SLC31A1: variants seen among roughly 807,000 people sequenced by gnomAD.
The protein encoded by SLC31A1 is high affinity copper uptake protein 1.
Under a neutral mutation model 17.2 loss-of-function variants are expected in SLC31A1, and 5 were observed. That is an observed-to-expected ratio of 0.29 (90% CI 0.15 to 0.61). SLC31A1 has a LOEUF of 0.61. SLC31A1 is among the 20% of genes least tolerant of loss of function. The pLI, the probability that SLC31A1 is intolerant of heterozygous loss-of-function variation, is 0.86. For synonymous variants in SLC31A1, 76 were observed against 78.8 expected (o/e 0.96, Z 0.19); for missense variants, 161 against 241.4 (o/e 0.67, Z 2.21).
rs528938046 is a variant in SLC31A1, at chr9:113,241,136, A to G, written c.-35-14978A>G. 1.8e-4 allele frequency among the ~76,000 whole-genome samples: 27 copies of G among 152,228 alleles called. No individual in the cohort carries two copies. The East Asian group carries it at 5.2e-3, about 29-fold the overall frequency. On this transcript the variant is annotated intron_variant, in intron 1 of 4. Coordinates refer to ENST00000374212, the MANE Select transcript of SLC31A1 (RefSeq NM_001859.4). ...TGAATGTGAAGCGGAGTAGATTGAG[A>G]TAAGGCTGGAAAGATAAGTCTGTAA...
chr9:113,250,163 C>T (rs530214471), intron 1 of SLC31A1, among the ~76,000 whole-genome samples: 3 of 142,996 alleles, frequency 2.1e-5, no homozygotes, highest in Admixed American at 1.4e-4. Flanking sequence ...TTTGACCCAG[C>T]CATCCCATTA....
At chr9:113,241,049 C>CAAAA (rs11330445) in intron 1 of SLC31A1, among the ~76,000 whole-genome samples, 1 of 94,972 alleles carries the variant, frequency 1.1e-5, no homozygotes. Context: ...GACTCTGTCT[C>CAAAA]AAAAAAAAAA....
chr9:113,252,197 C>G (rs762517569), intron 1 of SLC31A1, among the ~76,000 whole-genome samples: 6 of 152,100 alleles, frequency 3.9e-5, no homozygotes, highest in Non-Finnish European at 8.8e-5. Context: ...TAATTAAGAA[C>G]CTGTGGGTCT....
chr9:113,239,142 A>G (rs1433399939), intron 1 of SLC31A1, among the ~76,000 whole-genome samples: 1 of 152,120 alleles, frequency 6.6e-6, no homozygotes, highest in African/African-American at 2.4e-5. Flanking sequence ...GCTAGAAATT[A>G]GTAGAGCCGG....
chr9:113,252,536 G>T (rs538306998), intron 1 of SLC31A1, among the ~76,000 whole-genome samples: 2 of 152,212 alleles, frequency 1.3e-5, no homozygotes, highest in South Asian at 2.1e-4. Context: ...TGATCTGCCC[G>T]CCTTGGCCTC....
chr9:113,239,241 G>A (rs1016346694), intron 1 of SLC31A1, among the ~76,000 whole-genome samples: 27 of 151,662 alleles, frequency 1.8e-4, no homozygotes, highest in Non-Finnish European at 3.1e-4. Flanking sequence ...AAGATCAAAT[G>A]TCACCTGCAA....
At chr9:113,228,289 CA>C (rs1353950239) in intron 1 of SLC31A1, among the ~76,000 whole-genome samples, 1 of 152,124 alleles carries the variant, frequency 6.6e-6, no homozygotes, top group Non-Finnish European at 1.5e-5. Flanking sequence ...GTCAAGGCTA[CA>C]AAAGGATCCT....
chr9:113,263,635 A>T lies in SLC31A1; in HGVS notation c.*3162A>T, dbSNP rs187517079. 12 of 152,740 alleles carry T rather than the reference A, an allele frequency of 7.9e-5. No homozygotes were observed. The highest frequency in any genetic ancestry group is 8.8e-5 in the Non-Finnish European group (6 of 68,038). The allele number at this position is 152,740 out of a possible 1,614,324, so 9.5% of individuals were successfully genotyped here. ...TAGACAGTGCTATGCTGTGGATATA[A>T]TACCAACCAGAAATTGGCATTTATA... On this transcript the variant is annotated 3_prime_UTR_variant, in exon 5 of 5. Coordinates refer to ENST00000374212, the MANE Select transcript of SLC31A1 (RefSeq NM_001859.4).
At chr9:113,238,326 C>T (rs554255114) in intron 1 of SLC31A1, among the ~76,000 whole-genome samples, 1 of 152,224 alleles carries the variant, frequency 6.6e-6, no homozygotes, top group East Asian at 1.9e-4. Flanking sequence ...ATTATCCAGT[C>T]CAAAATGTTG....
At chr9:113,240,067 C>T (rs1451246683) in intron 1 of SLC31A1, among the ~76,000 whole-genome samples, 1 of 152,210 alleles carries the variant, frequency 6.6e-6, no homozygotes, top group Non-Finnish European at 1.5e-5. Flanking sequence ...AAGTCAGCTC[C>T]TTTAAGAAAG....
rs11308804 is a variant in SLC31A1 at position 113,231,563 on chromosome 9, C to CA, written c.-36+9899dup. Among the ~76,000 whole-genome samples the CA allele has an allele frequency of 4.2e-3, 579 of 138,936 alleles. 5 individuals carry two copies. Among genetic ancestry groups the CA allele is most frequent in the African/African-American group, 0.012 (441 of 38,152 alleles). 91.1% of individuals were successfully genotyped at this position (138,936 alleles called of 152,430 possible). A position where few individuals can be genotyped will look rare whatever the true frequency, so the allele number is the denominator to read the frequency against. ...GGGACAACAGAATATGATCTTGTCT[C>CA]AAAAAAAAAAAAAATGGGGAAATTA... On this transcript the variant is annotated intron_variant, in intron 1 of 4. Coordinates refer to ENST00000374212, the MANE Select transcript of SLC31A1 (RefSeq NM_001859.4).
intron 1 of SLC31A1, among the ~76,000 whole-genome samples, chr9:113,231,037 T>A (rs1831397089): frequency 6.6e-6 from 1 of 152,132 alleles, no homozygotes; most frequent in Non-Finnish European, 1.5e-5. Flanking sequence ...TTGAGGTAGA[T>A]GTCAAAGTGA....
intron 1 of SLC31A1, among the ~76,000 whole-genome samples, chr9:113,237,467 T>G (rs566457973): frequency 6.6e-6 from 1 of 152,282 alleles, no homozygotes; most frequent in South Asian, 2.1e-4. Flanking sequence ...GCTGTTTCCT[T>G]GCCTCCGTTT....
intron 1 of SLC31A1, among the ~76,000 whole-genome samples, chr9:113,254,745 A>T (rs548801404): frequency 6.6e-6 from 1 of 152,272 alleles, no homozygotes; most frequent in East Asian, 1.9e-4. Context: ...CTAAAAATTT[A>T]AAAATTAGCC....
At chr9:113,255,663 A>G (rs527917493) in intron 1 of SLC31A1, among the ~76,000 whole-genome samples, 1 of 152,282 alleles carries the variant, frequency 6.6e-6, no homozygotes, top group Non-Finnish European at 1.5e-5. Flanking sequence ...GTGATGGAGC[A>G]AGACCCTGTC....
At position 113,260,580 on chromosome 9, in the gene SLC31A1, T is replaced by TATACAC. The variant is rs1831781478; in HGVS notation, c.*108_*109insTACACA. 3 of 631,752 alleles carry TATACAC rather than the reference T, an allele frequency of 4.7e-6. No individual in the cohort carries two copies. The Admixed American group carries it at 6.5e-5, about 14-fold the overall frequency. 39.1% of individuals were successfully genotyped at this position (631,752 alleles called of 1,614,324 possible). A position where few individuals can be genotyped will look rare whatever the true frequency, so the allele number is the denominator to read the frequency against. ...CCCTTCTTGCTCCTCTTTGTGCACG[T>TATACAC]ACACACACACACACACACACACACA... On this transcript the variant is annotated 3_prime_UTR_variant, in exon 5 of 5. Transcript: ENST00000374212.
chr9:113,257,478 A>ATTTT (rs532189321), intron 3 of SLC31A1, among the ~76,000 whole-genome samples: 14 of 101,174 alleles, frequency 1.4e-4, no homozygotes, highest in African/African-American at 2.4e-4. Context: ...AGAGTGTTTA[A>ATTTT]TTTTTTTTTT....
rs1346738400 is a variant in SLC31A1, at chr9:113,246,180, G to T, written c.-35-9934G>T. 2.0e-5 allele frequency among the ~76,000 whole-genome samples: 3 copies of T among 151,612 alleles called. No homozygotes were observed. The East Asian group carries it at 5.9e-4, about 30-fold the overall frequency. ...ATCCTCCCACACCCTCTCAAGCTGGGACCACAGGTGCACACCAGCATGCCC... is the reference window on the plus strand; with the variant it reads ...ATCCTCCCACACCCTCTCAAGCTGGTACCACAGGTGCACACCAGCATGCCC... On this transcript the variant is annotated intron_variant, in intron 1 of 4. Coordinates refer to ENST00000374212, the MANE Select transcript of SLC31A1 (RefSeq NM_001859.4).
At chr9:113,247,721 A>G (rs541000770) in intron 1 of SLC31A1, among the ~76,000 whole-genome samples, 24 of 152,286 alleles carry the variant, frequency 1.6e-4, no homozygotes, top group African/African-American at 5.5e-4. Context: ...GAAAAATATC[A>G]TACCATACTT....
Sources: gnomAD v4.1 joint callset for allele counts (sites outside exome capture counted in the v4.1 genomes callset) on GRCh38, gnomAD v4.1.1 for gene constraint, MANE v1.5 for transcripts, NCBI Gene and HGNC (gene_info 2026-07-23, HGNC 2026-07-21) for gene names.